The following PLEKHH2 variants were observed in gnomAD, a reference collection of about 807,000 sequenced individuals.
PLEKHH2 encodes the protein pleckstrin homology, MyTH4 and FERM domain containing H2, also known as pleckstrin homology domain-containing family H member 2.
PLEKHH2 carries 129 observed loss-of-function variants against 187.9 expected under a neutral mutation model. The ratio of observed to expected loss-of-function variants is 0.69; its 90% CI spans 0.59 to 0.79. The LOEUF (loss-of-function observed/expected upper bound fraction) is 0.79, where lower values mean the gene tolerates loss of function less well. Ranked by LOEUF, PLEKHH2 falls within the 30% of genes least tolerant of loss-of-function variation. The pLI, the probability that PLEKHH2 is intolerant of heterozygous loss-of-function variation, is 0.00. For synonymous variants in PLEKHH2, 686 were observed against 605.6 expected, an observed-to-expected ratio of 1.13 and a Z score of -1.95; for missense variants, 2,076 against 1,751.2, an observed-to-expected ratio of 1.19 and a Z score of -3.31.
At chr2:43,761,496 C>T (rs376125486) in intron 27 of PLEKHH2, among the ~76,000 whole-genome samples, 6 of 150,490 alleles carry the variant, frequency 4.0e-5, no homozygotes, top group South Asian at 2.1e-4. Context: ...CTGCAGCCTG[C>T]GCCTCCCAGG....
intron 2 of PLEKHH2, among the ~76,000 whole-genome samples, chr2:43,647,797 G>A (rs1666254887): frequency 6.6e-6 from 1 of 152,084 alleles, no homozygotes; most frequent in African/African-American, 2.4e-5. Context: ...ATTCTTGAGA[G>A]AATACTAATT....
At chr2:43,700,658 A>T in intron 8 of PLEKHH2, 50 bp downstream of exon 8, 5 of 1,532,624 alleles carry the variant, frequency 3.3e-6, no homozygotes, top group South Asian at 1.3e-5. Context: ...TTTTCTCAAC[A>T]CTTTTTTTTT....
chr2:43,708,486 C>G (rs1669784559), intron 11 of PLEKHH2, among the ~76,000 whole-genome samples: 1 of 152,226 alleles, frequency 6.6e-6, no homozygotes, highest in South Asian at 2.1e-4. Context: ...TCAGCAAACG[C>G]TGCTTTCTCA....
At chr2:43,726,638 C>T (rs1670764009) in intron 17 of PLEKHH2, among the ~76,000 whole-genome samples, 187 bp downstream of exon 17, 1 of 152,028 alleles carries the variant, frequency 6.6e-6, no homozygotes, top group Non-Finnish European at 1.5e-5. Flanking sequence ...TTTTCTAATC[C>T]TGTTGGTAAG....
In PLEKHH2 at chr2:43,757,159, C is replaced by T; in HGVS notation, c.3836C>T (p.Ala1279Val). The stretch of plus-strand genomic sequence containing the variant: ...TTTGAAAGACCTTTCTCAACTCCAG[C>T]AGGGCATGTTACCAATCAGTGCAAA... ...GDFERPFSTP[A>V]GHVTNQCKVN... Residue 1279 changes from alanine to valine, a missense_variant, in exon 26 of 30, where the codon GCA (alanine) becomes GTA (valine). Coordinates refer to ENST00000282406, the MANE Select transcript of PLEKHH2 (RefSeq NM_172069.4). 1 of 1,597,206 alleles carries T rather than the reference C, an allele frequency of 6.3e-7. No individual in the cohort carries two copies. Among genetic ancestry groups the T allele is most frequent in the East Asian group, 2.3e-5 (1 of 43,872 alleles).
intron 24 of PLEKHH2, among the ~76,000 whole-genome samples, chr2:43,746,804 A>G (rs6704921): frequency 0.025 from 3,730 of 151,982 alleles, 163 homozygotes; most frequent in African/African-American, 0.085. Context: ...CCCCATCTCT[A>G]CTAAAAATAC....
chr2:43,750,616 G>T (rs763917731), intron 24 of PLEKHH2, among the ~76,000 whole-genome samples: 4 of 151,958 alleles, frequency 2.6e-5, no homozygotes, highest in Admixed American at 1.3e-4. Context: ...TTAACTCTTT[G>T]TATGCATTCT....
intron 24 of PLEKHH2, among the ~76,000 whole-genome samples, chr2:43,749,838 TAACA>T (rs1384713576): frequency 6.6e-6 from 1 of 152,194 alleles, no homozygotes; most frequent in Non-Finnish European, 1.5e-5. Flanking sequence ...AGCAGCAGGG[TAACA>T]AACAAAGCTA....
In PLEKHH2 at chr2:43,709,697, G is replaced by A. The variant is rs532297117; in HGVS notation, c.1967-293G>A. 9.9e-5 allele frequency among the ~76,000 whole-genome samples: 15 copies of A among 152,252 alleles called. No individual in the cohort carries two copies. The East Asian group carries it at 2.1e-3, about 22-fold the overall frequency. Reference sequence around the variant, plus strand: ...CTAAAGATACAAAAATTAGCTGGGCGTGGTGGCGCACACCTGTAGCCCCAG... The same window carrying A: ...CTAAAGATACAAAAATTAGCTGGGCATGGTGGCGCACACCTGTAGCCCCAG... On this transcript the variant is annotated intron_variant, in intron 11 of 29. Coordinates refer to ENST00000282406, the MANE Select transcript of PLEKHH2 (RefSeq NM_172069.4).
rs1366682108 is a variant in PLEKHH2 at position 43,766,097 on chromosome 2, A to C, written c.*499A>C. 6.5e-6 allele frequency: 1 copy of C among 153,544 alleles called. No homozygotes were observed. Among genetic ancestry groups the C allele is most frequent in the Admixed American group, 6.5e-5 (1 of 15,494 alleles). The allele number at this position is 153,544 out of a possible 1,614,324, so 9.5% of individuals were successfully genotyped here. On this transcript the variant is annotated 3_prime_UTR_variant, in exon 30 of 30. Coordinates refer to ENST00000282406, the MANE Select transcript of PLEKHH2 (RefSeq NM_172069.4). ...CATGCAGCATAAGAAACTGCTGCAGAGTGGTGCGAGGAGTACATTTTCAGA... is the reference window on the plus strand; with the variant it reads ...CATGCAGCATAAGAAACTGCTGCAGCGTGGTGCGAGGAGTACATTTTCAGA...
At chr2:43,707,918 A>G (rs1003277593) in intron 11 of PLEKHH2, among the ~76,000 whole-genome samples, 1 of 152,336 alleles carries the variant, frequency 6.6e-6, no homozygotes, top group Non-Finnish European at 1.5e-5. Context: ...AAATTTGTCA[A>G]TTAATCTGAT....
chr2:43,714,354 A>G (rs1272743520), intron 15 of PLEKHH2, among the ~76,000 whole-genome samples: 1 of 152,216 alleles, frequency 6.6e-6, no homozygotes, highest in Non-Finnish European at 1.5e-5. Context: ...CTAAATCATT[A>G]GGGTTTATAG....
chr2:43,761,777 A>C (rs1417401900), intron 27 of PLEKHH2, among the ~76,000 whole-genome samples: 1 of 152,154 alleles, frequency 6.6e-6, no homozygotes, highest in African/African-American at 2.4e-5. Flanking sequence ...TATTGATTAC[A>C]CAGTTTCATA....
chr2:43,723,818 G>T (rs916628651), intron 16 of PLEKHH2, among the ~76,000 whole-genome samples: 1 of 152,176 alleles, frequency 6.6e-6, no homozygotes, highest in South Asian at 2.1e-4. Context: ...ACATGATCTT[G>T]CCTGTGTCTA....
chr2:43,737,678 A>G (rs938122427), intron 19 of PLEKHH2, among the ~76,000 whole-genome samples: 2 of 152,216 alleles, frequency 1.3e-5, no homozygotes, highest in Non-Finnish European at 2.9e-5. Flanking sequence ...TGCTCAAGAC[A>G]TGGCAGCTAC....
Position 43,731,589 on chromosome 2 carries a change from T to C in PLEKHH2, c.2930T>C (p.Ile977Thr). 1 of 1,548,778 alleles carries C rather than the reference T, an allele frequency of 6.5e-7. No individual in the cohort carries two copies. The highest frequency in any genetic ancestry group is 8.9e-7 in the Non-Finnish European group (1 of 1,126,140). ...TCCGAAGCCCTGCAGACAGAAGCTA[T>C]TAAATTATTTAAGGTAAAATATTTA... ...LPSEALQTEA[I>T]KLFKTCQLFI... is the part of the protein sequence containing the mutation. The change falls in exon 19 of 30, where the codon ATT becomes ACT. Residue 977 changes from isoleucine (I) to threonine (T), a missense_variant. Physicochemically the swap from Ile to Thr is moderately conservative, Grantham distance 89 (BLOSUM62 -1). Coordinates refer to ENST00000282406, the MANE Select transcript of PLEKHH2 (RefSeq NM_172069.4).
chr2:43,681,537 T>C (rs961739220), intron 3 of PLEKHH2: 3 of 1,468,118 alleles, frequency 2.0e-6, no homozygotes, highest in East Asian at 2.5e-5. Context: ...GTGCTTTGCG[T>C]ATGCAGAAAG....
chr2:43,737,289 C>G (rs981818022), intron 19 of PLEKHH2, among the ~76,000 whole-genome samples: 1 of 152,176 alleles, frequency 6.6e-6, no homozygotes, highest in Non-Finnish European at 1.5e-5. Flanking sequence ...CAAAGATCAC[C>G]AGGCATACAG....
intron 21 of PLEKHH2, 123 bp from the exon 22 acceptor site, chr2:43,742,618 A>C (rs1196838436): frequency 9.1e-6 from 6 of 657,180 alleles, no homozygotes; most frequent in Non-Finnish European, 1.4e-5. Flanking sequence ...ATTCAAAAAA[A>C]GTTACTGTCA....
Sources: gnomAD v4.1 joint callset for allele counts (sites outside exome capture counted in the v4.1 genomes callset) on GRCh38, gnomAD v4.1.1 for gene constraint, MANE v1.5 for transcripts, NCBI Gene and HGNC (gene_info 2026-07-23, HGNC 2026-07-21) for gene names.